The following USP6 variants were observed in gnomAD, a reference collection of about 807,000 sequenced individuals.
USP6 encodes the protein ubiquitin specific peptidase 6.
In USP6, 128 loss-of-function variants were observed where a neutral mutation model predicts 175.7. That is an observed-to-expected ratio of 0.73 (90% CI 0.63 to 0.84). USP6 has a LOEUF of 0.84. USP6 is among the 40% of genes least tolerant of loss of function. The pLI is 0.00. For synonymous variants in USP6, 562 were observed against 630.6 expected (o/e 0.89, Z 1.63); for missense variants, 1,498 against 1,760.3 (o/e 0.85, Z 2.67).
chr17:5,173,955 G>A lies in USP6; in HGVS notation c.*977G>A, dbSNP rs2074276621. ...TAAAAAAGAGAGAACACATGCAAAT[G>A]AACTTGCTTGTGTGTATTTGATGGC... On this transcript the variant is annotated 3_prime_UTR_variant, in exon 38 of 38. Coordinates refer to ENST00000574788, the MANE Select transcript of USP6 (RefSeq NM_001304284.2). 4.6e-6 allele frequency: 1 copy of A among 218,012 alleles called. No individual in the cohort carries two copies. The highest frequency in any genetic ancestry group is 5.8e-5 in the Admixed American group (1 of 17,256). 13.5% of individuals were successfully genotyped at this position (218,012 alleles called of 1,614,324 possible). A position where few individuals can be genotyped will look rare whatever the true frequency, so the allele number is the denominator to read the frequency against.
At chr17:5,140,778 G>C (rs2073422869) in intron 22 of USP6, among the ~76,000 whole-genome samples, 1 of 152,112 alleles carries the variant, frequency 6.6e-6, no homozygotes, top group Admixed American at 6.5e-5. Context: ...ACACACACCT[G>C]GGCTGAATGG....
Position 5,133,447 on chromosome 17 carries a change from T to C in USP6, c.281T>C (p.Ile94Thr), listed in dbSNP as rs1567781213. The C allele has an allele frequency of 1.9e-6, 3 of 1,610,876 alleles. No individual in the cohort carries two copies. The highest frequency in any genetic ancestry group is 2.5e-6 in the Non-Finnish European group (3 of 1,179,008). ...WETYKHSSKLIDRVYKGIPMN... is the reference protein window; with the variant it reads ...WETYKHSSKLTDRVYKGIPMN... ...CAGATTCTTTTCTGCCCACAGCTCA[T>C]AGATCGAGTGTACAAGGGAATTCCC... The change falls in exon 14 of 38, where the codon ATA becomes ACA. Residue 94 changes from isoleucine (I) to threonine (T), a missense_variant. By Grantham distance (89) the Ile-to-Thr change is moderately conservative (BLOSUM62 -1). Coordinates refer to ENST00000574788, the MANE Select transcript of USP6 (RefSeq NM_001304284.2).
intron 37 of USP6, 38 bp downstream of exon 37, chr17:5,171,717 C>G: frequency 6.3e-7 from 1 of 1,595,830 alleles, no homozygotes; most frequent in Non-Finnish European, 8.6e-7. Flanking sequence ...GTTAGAATAT[C>G]AACAGAACTG....
intron 30 of USP6, among the ~76,000 whole-genome samples, chr17:5,150,429 G>A (rs2073737419): frequency 6.6e-6 from 1 of 151,642 alleles, no homozygotes; most frequent in South Asian, 2.1e-4. Context: ...AGGTACTACT[G>A]TATTGGTTTC....
chr17:5,143,728 G>A (rs1481293225), intron 25 of USP6, among the ~76,000 whole-genome samples: 1 of 150,018 alleles, frequency 6.7e-6, no homozygotes, highest in Non-Finnish European at 1.5e-5. Flanking sequence ...CCCCCTCTGC[G>A]AGAAACACCC....
At chr17:5,120,379 G>A (rs774896995) in intron 2 of USP6, among the ~76,000 whole-genome samples, 13 of 152,178 alleles carry the variant, frequency 8.5e-5, no homozygotes, top group Admixed American at 2.0e-4. Context: ...AGCACTTGTT[G>A]GGGATGGGTG....
At chr17:5,165,526 A>C (rs2074079274) in intron 33 of USP6, among the ~76,000 whole-genome samples, 1 of 152,190 alleles carries the variant, frequency 6.6e-6, no homozygotes, top group South Asian at 2.1e-4. Flanking sequence ...GGCTGCAGTG[A>C]GCTGTGATCT....
At position 5,132,077 on chromosome 17, in the gene USP6, G is replaced by A. The variant is rs1353829276; in HGVS notation, c.156-319G>A. ...TGGGTGGCCCCCATCCCATCTCAGG[G>A]CTAACCTTTCTCAGCTCCAGCAGAA... On this transcript the variant is annotated intron_variant, in intron 11 of 37. Transcript: ENST00000574788. The surrounding 1 kb of genome is among the most constrained non-coding windows in gnomAD (Gnocchi z 4.7). The A allele has an allele frequency of 1.0e-6, 1 of 954,854 alleles. No individual in the cohort carries two copies. Among genetic ancestry groups the A allele is most frequent in the Non-Finnish European group, 1.5e-6 (1 of 688,832 alleles). The allele number at this position is 954,854 out of a possible 1,614,324, so 59.1% of individuals were successfully genotyped here. A position where few individuals can be genotyped will look rare whatever the true frequency, so the allele number is the denominator to read the frequency against.
chr17:5,118,976 CAG>C (rs1195543734), intron 2 of USP6, among the ~76,000 whole-genome samples: 1 of 152,144 alleles, frequency 6.6e-6, no homozygotes, highest in Non-Finnish European at 1.5e-5. Context: ...AGTAAGCAAA[CAG>C]GAATAGAAGT....
chr17:5,161,482 G>A lies in USP6; in HGVS notation c.2829-46G>A, dbSNP rs146139696. The A allele has an allele frequency of 4.0e-5, 64 of 1,600,612 alleles. No individual in the cohort carries two copies. The Middle Eastern group carries it at 8.3e-4, about 21-fold the overall frequency. ...AGAAGATGAAAAGGAGTTGGACCTC[G>A]AACCAGAAATGCTTCTTACACTCTT... is the stretch of plus-strand genomic sequence containing the variant. On this transcript the variant is annotated intron_variant, in intron 31 of 37. Coordinates refer to ENST00000574788, the MANE Select transcript of USP6 (RefSeq NM_001304284.2).
chr17:5,170,491 C>A lies in USP6; in HGVS notation c.3530C>A (p.Ser1177Ter), dbSNP rs753463774. Residue 1177 changes from serine to a stop codon, truncating the protein, a stop_gained, in exon 36 of 38, where the codon TCA becomes TAA. Transcript: ENST00000574788. LOFTEE classifies it high-confidence loss of function. ...GTCCTGTTCACAGGTTCTCCTTCTT[C>A]ATCAAGAAAAAGTGGAACCAGCTGT... ...ISSSPKGSPS[S>*]SRKSGTSCPS... is the part of the protein sequence containing the mutation. The A allele has an allele frequency of 1.2e-6, 2 of 1,608,654 alleles. No homozygotes were observed. The highest frequency in any genetic ancestry group is 1.7e-6 in the Non-Finnish European group (2 of 1,177,922).
chr17:5,136,353 C>G (rs2073253665), intron 17 of USP6, among the ~76,000 whole-genome samples: 1 of 152,230 alleles, frequency 6.6e-6, no homozygotes. Context: ...AGGAGATGAC[C>G]AGGAAGCTCA....
intron 30 of USP6, among the ~76,000 whole-genome samples, chr17:5,149,539 C>T (rs1479612622): frequency 1.3e-5 from 2 of 152,136 alleles, no homozygotes; most frequent in African/African-American, 2.4e-5. Flanking sequence ...CAACTCCAAC[C>T]TGGGCAATAA....
intron 25 of USP6, among the ~76,000 whole-genome samples, chr17:5,143,087 G>C (rs542515429): frequency 6.6e-6 from 1 of 152,026 alleles, no homozygotes; most frequent in South Asian, 2.1e-4. Context: ...GAGGTCGGGG[G>C]GTCAGCCCCC....
At chr17:5,144,656 G>C in intron 25 of USP6, 34 bp from the exon 26 acceptor site, 5 of 1,607,418 alleles carry the variant, frequency 3.1e-6, no homozygotes, top group Non-Finnish European at 3.4e-6. Context: ...TTATGGGTAG[G>C]AAATAATGAC....
rs889909763 is a variant in USP6, at chr17:5,121,604, C to T, written c.-1445C>T. ...CCCAACTGGCCCAGCTGCAGGGGCT[C>T]ATCAGAAGCATGGAGCAGCAGCTGT... On this transcript the variant is annotated 5_prime_UTR_variant, in exon 4 of 38. Transcript: ENST00000574788. The T allele has an allele frequency of 8.0e-5, 13 of 162,006 alleles. No homozygotes were observed. The highest frequency in any genetic ancestry group is 2.5e-4 in the Admixed American group (4 of 16,286). The allele number at this position is 162,006 out of a possible 1,614,324, so 10.0% of individuals were successfully genotyped here.
At chr17:5,161,084 C>G (rs892454181) in intron 31 of USP6, among the ~76,000 whole-genome samples, 1 of 152,200 alleles carries the variant, frequency 6.6e-6, no homozygotes, top group African/African-American at 2.4e-5. Context: ...TAAGGCAGTA[C>G]TTAGCATGTA....
chr17:5,122,530 G>C (rs1226803055), intron 4 of USP6, among the ~76,000 whole-genome samples: 1 of 152,216 alleles, frequency 6.6e-6, no homozygotes, highest in Non-Finnish European at 1.5e-5. Context: ...TTAGTTCCTT[G>C]GCCCGCGTGC....
Position 5,127,539 on chromosome 17 carries a change from G to A in USP6, c.-438G>A, listed in dbSNP as rs1029943291. 6.6e-6 allele frequency: 1 copy of A among 152,244 alleles called. No individual in the cohort carries two copies. The highest frequency in any genetic ancestry group is 2.4e-5 in the African/African-American group (1 of 41,424). 9.4% of individuals were successfully genotyped at this position (152,244 alleles called of 1,614,324 possible). On this transcript the variant is annotated 5_prime_UTR_variant, in exon 7 of 38. Coordinates refer to ENST00000574788, the MANE Select transcript of USP6 (RefSeq NM_001304284.2). The stretch of plus-strand genomic sequence containing the variant: ...GGGACAGTCTGAGATGGGGAGTCGG[G>A]GGAGACAATGGATGAATGGATGGAT...
Sources: gnomAD v4.1 joint callset for allele counts (sites outside exome capture counted in the v4.1 genomes callset) on GRCh38, gnomAD v4.1.1 for gene constraint, Gnocchi (gnomAD v3.1) non-coding constraint, MANE v1.5 for transcripts, NCBI Gene and HGNC (gene_info 2026-07-23, HGNC 2026-07-21) for gene names.